Variants in DNMT1 observed in about 807,000 individuals in gnomAD.
DNMT1 encodes the protein DNA methyltransferase 1, also known as DNA (cytosine-5)-methyltransferase 1.
DNMT1 carries 24 observed loss-of-function variants against 205.3 expected under a neutral mutation model. The ratio of observed to expected loss-of-function variants is 0.12; its 90% confidence interval spans 0.08 to 0.16. DNMT1 has a LOEUF of 0.16. Among genes scored for constraint, DNMT1 ranks in the 10% least tolerant of loss-of-function variants. The pLI is 1.00. For synonymous variants in DNMT1, 817 were observed against 839.8 expected (o/e 0.97, Z 0.47); for missense variants, 1,293 against 2,177.7 (o/e 0.59, Z 8.09).
In DNMT1 at chr19:10,175,573, C is replaced by T. The variant is rs201526918; in HGVS notation, c.615G>A (p.Ser205=). Residue 205 remains serine, a synonymous_variant, in exon 7 of 41, where the codon TCG becomes TCA. Coordinates refer to ENST00000359526, the MANE Select transcript of DNMT1 (RefSeq NM_001130823.3). ...TGTCTTCTTCCTTGATGGACTCATC[C>T]GATTTGGCTCTTTCAGACTCTTCCT... ...KPQEESERAK[S]DESIKEEDKD... 6.2e-6 allele frequency: 10 copies of T among 1,614,006 alleles called. No individual in the cohort carries two copies. The highest frequency in any genetic ancestry group is 2.7e-5 in the African/African-American group (2 of 75,034).
chr19:10,182,147 A>C, intron 1 of DNMT1, 70 bp from the exon 2 acceptor site: 262 of 1,503,766 alleles, frequency 1.7e-4, no homozygotes, highest in Non-Finnish European at 2.2e-4. Context: ...TAAGAATATC[A>C]CAGTTCTAAA....
chr19:10,187,572 C>T (rs372938754), intron 1 of DNMT1, among the ~76,000 whole-genome samples: 100 of 148,832 alleles, frequency 6.7e-4, no homozygotes, highest in African/African-American at 2.3e-3. Flanking sequence ...CCTGTCTCTA[C>T]GAGAAAACAG....
intron 28 of DNMT1, among the ~76,000 whole-genome samples, chr19:10,145,958 A>C (rs1276147796): frequency 6.6e-6 from 1 of 151,992 alleles, no homozygotes; most frequent in African/African-American, 2.4e-5. Context: ...CCTCTCGAGT[A>C]GCTGGGACTA....
At position 10,138,912 on chromosome 19, in the gene DNMT1, C is replaced by T. The variant is rs770622039; in HGVS notation, c.3949-307G>A. ...AAGGTCTTAGCACTCGGGGAGAACACTGGAGACCAGGAGCCCTGTCGCTTC... is the reference window on the plus strand; with the variant it reads ...AAGGTCTTAGCACTCGGGGAGAACATTGGAGACCAGGAGCCCTGTCGCTTC... On this transcript the variant is annotated intron_variant, in intron 34 of 40. Coordinates refer to ENST00000359526, the MANE Select transcript of DNMT1 (RefSeq NM_001130823.3). This position sits in a 1 kb window ranked among gnomAD's most constrained non-coding sequence, Gnocchi z 4.1. Among the ~76,000 whole-genome samples, 4 of 152,228 alleles carry T rather than the reference C, an allele frequency of 2.6e-5. No homozygotes were observed. The South Asian group carries it at 6.2e-4, about 24-fold the overall frequency.
rs1450162164 is a variant in DNMT1 at position 10,139,872 on chromosome 19, C to T, written c.3807-55G>A. 7 of 1,558,236 alleles carry T rather than the reference C, an allele frequency of 4.5e-6. No individual in the cohort carries two copies. The African/African-American group carries it at 5.4e-5, about 12-fold the overall frequency. On this transcript the variant is annotated intron_variant, in intron 33 of 40. Coordinates refer to ENST00000359526, the MANE Select transcript of DNMT1 (RefSeq NM_001130823.3). ...CACCTCCACAGACAGAGGGAAGAAA[C>T]GACCCACTGTGCCGGAAGCCCCTCA...
Position 10,151,549 on chromosome 19 carries a change from C to A in DNMT1, c.2118-4G>T. ...CTTCATGGCCATATTGGGACACCTG[C>A]AATGTCACTGGTTATACCTAAGGCC... is the stretch of plus-strand genomic sequence containing the variant. On this transcript the variant is annotated splice_region_variant and splice_polypyrimidine_tract_variant and intron_variant, in intron 23 of 40. Transcript: ENST00000359526. This position sits in a 1 kb window ranked among gnomAD's most constrained non-coding sequence, Gnocchi z 5.0. The A allele has an allele frequency of 6.2e-7, 1 of 1,613,630 alleles. No homozygotes were observed. Among genetic ancestry groups the A allele is most frequent in the Non-Finnish European group, 8.5e-7 (1 of 1,180,046 alleles).
At chr19:10,160,125 G>A (rs914622130) in intron 14 of DNMT1, 62 bp from the exon 15 acceptor site, 6 of 1,604,316 alleles carry the variant, frequency 3.7e-6, no homozygotes, top group African/African-American at 1.3e-5. Flanking sequence ...TATCAAAATC[G>A]CCCCTGTGAG....
chr19:10,182,655 T>C (rs2039093600), intron 1 of DNMT1, among the ~76,000 whole-genome samples: 1 of 151,422 alleles, frequency 6.6e-6, no homozygotes, highest in South Asian at 2.1e-4. Context: ...CATACATACA[T>C]ATACATTATA....
rs1047018976 is a variant in DNMT1 at position 10,138,355 on chromosome 19, A to G, written c.4115+84T>C. 3.1e-6 allele frequency: 5 copies of G among 1,600,750 alleles called. No homozygotes were observed. The highest frequency in any genetic ancestry group is 1.7e-4 in the Middle Eastern group (1 of 6,040). ...ATGCTGTACCATCCTCTCCTCCCCA[A>G]GCCTCACCAGGGAGTACTCACGGGC... On this transcript the variant is annotated intron_variant, in intron 35 of 40. Transcript: ENST00000359526. This position sits in a 1 kb window ranked among gnomAD's most constrained non-coding sequence, Gnocchi z 4.1.
chr19:10,148,656 G>A lies in DNMT1; in HGVS notation c.2720+228C>T, dbSNP rs1206693750. On this transcript the variant is annotated intron_variant, in intron 27 of 40. Coordinates refer to ENST00000359526, the MANE Select transcript of DNMT1 (RefSeq NM_001130823.3). ...AAATGGCAAGACGAACCCTGTTCCT[G>A]GGTAGGGAACCCTCTTACAAAGACA... Among the ~76,000 whole-genome samples, 4 of 152,294 alleles carry A rather than the reference G, an allele frequency of 2.6e-5. No individual in the cohort carries two copies. In the East Asian group the frequency reaches 5.8e-4, roughly 22 times the overall value.
At chr19:10,158,803 C>G (rs568445222) in intron 17 of DNMT1, among the ~76,000 whole-genome samples, 1 of 152,348 alleles carries the variant, frequency 6.6e-6, no homozygotes, top group Non-Finnish European at 1.5e-5. Context: ...CCACAGCTGG[C>G]ACAGGCCCCT....
At chr19:10,161,329 A>G (rs936216203) in intron 13 of DNMT1, among the ~76,000 whole-genome samples, 34 of 139,932 alleles carry the variant, frequency 2.4e-4, no homozygotes, top group East Asian at 9.9e-4. Flanking sequence ...AAGTAAATAA[A>G]TAAATAAATA....
intron 27 of DNMT1, among the ~76,000 whole-genome samples, chr19:10,147,836 G>A (rs533592466): frequency 3.0e-4 from 45 of 151,968 alleles, no homozygotes; most frequent in Middle Eastern, 6.8e-3. Context: ...AAAGCTCGCC[G>A]GGCGCGGTGG....
rs1427623698 is a variant in DNMT1, at chr19:10,137,512, A to T, written c.4294-232T>A. On this transcript the variant is annotated intron_variant, in intron 36 of 40. Transcript: ENST00000359526. This position sits in a 1 kb window ranked among gnomAD's most constrained non-coding sequence, Gnocchi z 6.4. Reference sequence around the variant, plus strand: ...TAAGCTGAGCCTTTAGGGTGGGGGAAGGGGAGTGGTGCCAGGGGATGGTGA... The same window carrying T: ...TAAGCTGAGCCTTTAGGGTGGGGGATGGGGAGTGGTGCCAGGGGATGGTGA... The T allele has an allele frequency of 6.2e-6, 4 of 640,732 alleles. No homozygotes were observed. The highest frequency in any genetic ancestry group is 1.8e-5 in the African/African-American group (1 of 54,748). 39.7% of individuals were successfully genotyped at this position (640,732 alleles called of 1,614,324 possible). A position where few individuals can be genotyped will look rare whatever the true frequency, so the allele number is the denominator to read the frequency against.
At chr19:10,186,636 C>T (rs532655086) in intron 1 of DNMT1, among the ~76,000 whole-genome samples, 21 of 151,780 alleles carry the variant, frequency 1.4e-4, no homozygotes, top group African/African-American at 4.3e-4. Context: ...GTCAGGAGTT[C>T]GAGACCAGCC....
At position 10,159,563 on chromosome 19, in the gene DNMT1, G is replaced by T; in HGVS notation, c.1280+95C>A. Reference sequence around the variant, plus strand: ...TAGCTTAAGACATGTTGCAGGTCAGGCACTAAAAAACATCACCAGAATCGT... The same window carrying T: ...TAGCTTAAGACATGTTGCAGGTCAGTCACTAAAAAACATCACCAGAATCGT... On this transcript the variant is annotated intron_variant, in intron 17 of 40. Coordinates refer to ENST00000359526, the MANE Select transcript of DNMT1 (RefSeq NM_001130823.3). The surrounding 1 kb of genome is among the most constrained non-coding windows in gnomAD (Gnocchi z 5.0). 1 of 1,235,176 alleles carries T rather than the reference G, an allele frequency of 8.1e-7. No homozygotes were observed. Among genetic ancestry groups the T allele is most frequent in the Non-Finnish European group, 1.2e-6 (1 of 852,226 alleles). 76.5% of individuals were successfully genotyped at this position (1,235,176 alleles called of 1,614,324 possible). A position where few individuals can be genotyped will look rare whatever the true frequency, so the allele number is the denominator to read the frequency against.
intron 9 of DNMT1, 127 bp from the exon 10 acceptor site, chr19:10,168,491 T>A: frequency 1.1e-6 from 1 of 942,672 alleles, no homozygotes; most frequent in Non-Finnish European, 1.7e-6. Flanking sequence ...AAAGACTGTC[T>A]ACCAGTGGGC....
rs1422384463 is a variant in DNMT1, at chr19:10,156,816, CTA to C, written c.1281-309_1281-308del. ...TATTTTTAGTAGGGACGGGGTTTCA[CTA>C]TGTGTAGCAGGCTGGTCTCAAACTC... On this transcript the variant is annotated intron_variant, in intron 17 of 40. Transcript: ENST00000359526. The surrounding 1 kb of genome is among the most constrained non-coding windows in gnomAD (Gnocchi z 4.2). 6.6e-6 allele frequency among the ~76,000 whole-genome samples: 1 copy of C among 151,878 alleles called. No homozygotes were observed. Among genetic ancestry groups the C allele is most frequent in the Non-Finnish European group, 1.5e-5 (1 of 67,956 alleles).
chr19:10,186,838 C>CAAAAAAAAAAAAAAAAAAAA (rs35238334), intron 1 of DNMT1, among the ~76,000 whole-genome samples: 22 of 70,684 alleles, frequency 3.1e-4, no homozygotes, highest in East Asian at 1.7e-3. Flanking sequence ...AACTCCGTCT[C>CAAAAAAAAAAAAAAAAAAAA]AAAAAAAAAA....
Sources: allele counts gnomAD v4.1 joint callset (sites outside exome capture counted in the v4.1 genomes callset), GRCh38; gene constraint gnomAD v4.1.1; non-coding constraint Gnocchi (gnomAD v3.1); transcripts MANE v1.5; gene names NCBI Gene and HGNC (gene_info 2026-07-23, HGNC 2026-07-21).